The following GALC variants were observed in gnomAD, a reference collection of about 807,000 sequenced individuals.
The protein encoded by GALC is galactocerebrosidase.
A neutral mutation model predicts 91.8 loss-of-function variants in GALC; 77 were observed. The observed-to-expected ratio is 0.84, with a 90% CI of 0.70 to 1.01. The LOEUF is 1.01. Among genes scored for constraint, GALC ranks in the 50% least tolerant of loss-of-function variants. The pLI is 0.00. For missense variants in GALC, 882 were observed against 855.9 expected (o/e 1.03, Z -0.38); for synonymous variants, 357 against 306.7 (o/e 1.16, Z -1.71).
At chr14:87,977,300 A>G (rs894888189) in intron 6 of GALC, among the ~76,000 whole-genome samples, 1 of 152,216 alleles carries the variant, frequency 6.6e-6, no homozygotes, top group African/African-American at 2.4e-5. Context: ...GTAACAAGCT[A>G]AATTTTAACA....
intron 9 of GALC, among the ~76,000 whole-genome samples, chr14:87,963,799 C>T (rs181479389): frequency 6.6e-6 from 1 of 151,928 alleles, no homozygotes; most frequent in Non-Finnish European, 1.5e-5. Flanking sequence ...TTATTCCCCC[C>T]CCAAACTTGG....
At chr14:87,958,306 C>G (rs559435680) in intron 10 of GALC, among the ~76,000 whole-genome samples, 5 of 149,148 alleles carry the variant, frequency 3.4e-5, no homozygotes, top group South Asian at 4.2e-4. Flanking sequence ...TAGTTTAAAT[C>G]TGAAGTGAGT....
Position 87,953,898 on chromosome 14 carries a change from C to T in GALC, c.1162-3150G>A, listed in dbSNP as rs534175857. 2.0e-5 allele frequency: 32 copies of T among 1,610,114 alleles called. No homozygotes were observed. The South Asian group carries it at 3.1e-4, about 15-fold the overall frequency. ...CGGACCAAATTCTGGCTCTAAAGTG[C>T]CTTTAGCAACAGTTACAGTAATTGA... On this transcript the variant is annotated intron_variant, in intron 10 of 16. Transcript: ENST00000261304.
chr14:87,986,414 T>A, intron 4 of GALC, 75 bp downstream of exon 4: 1 of 916,278 alleles, frequency 1.1e-6, no homozygotes, highest in Non-Finnish European at 1.8e-6. Flanking sequence ...TTAATAGAGA[T>A]TCCACCAACA....
At chr14:87,992,086 G>A (rs1887223639) in intron 1 of GALC, among the ~76,000 whole-genome samples, 1 of 152,016 alleles carries the variant, frequency 6.6e-6, no homozygotes, top group Non-Finnish European at 1.5e-5. Flanking sequence ...ACTCCAGGGG[G>A]AAAAAAATTT....
rs72692074 is a variant in GALC, at chr14:87,973,887, G to A, written c.752+2471C>T. Among the ~76,000 whole-genome samples, 1,054 of 152,246 alleles carry A rather than the reference G, an allele frequency of 6.9e-3. 10 individuals are homozygous for A. Among genetic ancestry groups the A allele is most frequent in the Non-Finnish European group, 9.9e-3 (672 of 67,996 alleles). ...TATTTCCAGGCATTGCCAAATGTCC[G>A]TCTGGGAGGCAAAATTATTCTCAGT... On this transcript the variant is annotated intron_variant, in intron 7 of 16. Transcript: ENST00000261304.
Position 87,945,558 on chromosome 14 carries a change from G to A in GALC, c.1665C>T (p.Tyr555=). ...ATTGAGAACATCAATCTTACCAGTTGTAGTCTCCTATAATACTGATTGTGT... is the reference window on the plus strand; with the variant it reads ...ATTGAGAACATCAATCTTACCAGTTATAGTCTCCTATAATACTGATTGTGT... ...ASNTISIIGD[Y]NWTNLTIKCD... is the part of the protein sequence containing the mutation. Residue 555 remains tyrosine (Y), a synonymous_variant, in exon 14 of 17, where the codon TAC becomes TAT. Coordinates refer to ENST00000261304, the MANE Select transcript of GALC (RefSeq NM_000153.4). 1 of 1,592,860 alleles carries A rather than the reference G, an allele frequency of 6.3e-7. No individual in the cohort carries two copies. Among genetic ancestry groups the A allele is most frequent in the Non-Finnish European group, 8.6e-7 (1 of 1,160,956 alleles).
At chr14:87,944,626 T>C (rs1884991222) in intron 14 of GALC, among the ~76,000 whole-genome samples, 1 of 151,996 alleles carries the variant, frequency 6.6e-6, no homozygotes, top group African/African-American at 2.4e-5. Flanking sequence ...TTCATAGTGT[T>C]ATAAGGGTTC....
Position 87,955,233 on chromosome 14 carries a change from A to G in GALC, c.1162-4485T>C, listed in dbSNP as rs765409906. 7 of 942,802 alleles carry G rather than the reference A, an allele frequency of 7.4e-6. 1 individual carries two copies. The highest frequency in any genetic ancestry group is 1.2e-5 in the Non-Finnish European group (7 of 571,174). 58.4% of individuals were successfully genotyped at this position (942,802 alleles called of 1,614,324 possible). A position where few individuals can be genotyped will look rare whatever the true frequency, so the allele number is the denominator to read the frequency against. ...AGAGGAAGAAATGGCAGGCATTTCA[A>G]GGAAGAAGTACTGAAATGATTTGTC... On this transcript the variant is annotated intron_variant, in intron 10 of 16. Coordinates refer to ENST00000261304, the MANE Select transcript of GALC (RefSeq NM_000153.4).
intron 14 of GALC, among the ~76,000 whole-genome samples, chr14:87,943,611 A>G (rs930847073): frequency 6.6e-5 from 10 of 152,002 alleles, no homozygotes; most frequent in African/African-American, 2.4e-4. Flanking sequence ...CAAGTGAAAT[A>G]TTGGGTAAAT....
chr14:87,936,440 C>G lies in GALC; in HGVS notation c.1912-1562G>C, dbSNP rs367904057. 3.3e-5 allele frequency among the ~76,000 whole-genome samples: 5 copies of G among 151,614 alleles called. No homozygotes were observed. In the East Asian group the frequency reaches 7.8e-4, roughly 24 times the overall value. On this transcript the variant is annotated intron_variant, in intron 16 of 16. Transcript: ENST00000261304. Reference sequence around the variant, plus strand: ...CTATGGCTTTTTTTCTCATTATTGTCTATTGTCTATGGCTTTTTTACTCAT... The same window carrying G: ...CTATGGCTTTTTTTCTCATTATTGTGTATTGTCTATGGCTTTTTTACTCAT...
At chr14:87,960,180 A>G (rs149725244) in intron 10 of GALC, among the ~76,000 whole-genome samples, 3 of 151,956 alleles carry the variant, frequency 2.0e-5, no homozygotes, top group African/African-American at 7.2e-5. Flanking sequence ...ACGGGTACAA[A>G]GTAACTATTG....
intron 6 of GALC, among the ~76,000 whole-genome samples, chr14:87,978,641 T>C (rs1886610249): frequency 6.6e-6 from 1 of 152,172 alleles, no homozygotes; most frequent in Admixed American, 6.5e-5. Flanking sequence ...AAAGCTTAAA[T>C]AGAAGCTCTA....
intron 10 of GALC, among the ~76,000 whole-genome samples, chr14:87,958,557 A>G (rs1025729158): frequency 1.3e-5 from 2 of 152,206 alleles, no homozygotes; most frequent in Admixed American, 6.5e-5. Flanking sequence ...CAAAAAGAAC[A>G]AAGCTGAAGG....
chr14:87,987,997 A>G, intron 3 of GALC, 147 bp downstream of exon 3: 1 of 656,140 alleles, frequency 1.5e-6, no homozygotes, highest in East Asian at 2.7e-5. Context: ...AAATAATTAC[A>G]GTTAAAAAAT....
In GALC at chr14:87,947,841, T is replaced by C. The variant is rs755193670; in HGVS notation, c.1376A>G (p.His459Arg). The change falls in exon 13 of 17, where the codon CAT (histidine) becomes CGT (arginine). Residue 459 changes from histidine (H) to arginine (R), a missense_variant. Transcript: ENST00000261304. ...GGTGAGTGTGAACAGCTCATCTTCA[T>C]GCAGGCTCAGTGTGAAACTGCCATC... The part of the protein sequence containing the change: ...DSDGSFTLSL[H>R]EDELFTLTTL... 3 of 1,612,672 alleles carry C rather than the reference T, an allele frequency of 1.9e-6. No homozygotes were observed. The highest frequency in any genetic ancestry group is 1.7e-6 in the Non-Finnish European group (2 of 1,179,136).
At chr14:87,963,631 T>A (rs1156952992) in intron 9 of GALC, 120 bp from the exon 10 acceptor site, 1 of 839,656 alleles carries the variant, frequency 1.2e-6, no homozygotes, top group Non-Finnish European at 1.9e-6. Flanking sequence ...CTATTTTCTA[T>A]TTTGCAGGAA....
At chr14:87,979,667 A>C (rs145275590) in intron 6 of GALC, among the ~76,000 whole-genome samples, 13 of 152,350 alleles carry the variant, frequency 8.5e-5, no homozygotes, top group African/African-American at 2.9e-4. Context: ...TGTTTCCCTC[A>C]AATGAAATGA....
chr14:87,976,844 G>C (rs1310665975), intron 6 of GALC: 4 of 269,052 alleles, frequency 1.5e-5, no homozygotes, highest in Non-Finnish European at 2.9e-5. Context: ...TTGAACTCCT[G>C]ACCTCATGGA....
Sources: allele counts gnomAD v4.1 joint callset (sites outside exome capture counted in the v4.1 genomes callset), GRCh38; gene constraint gnomAD v4.1.1; transcripts MANE v1.5; gene names NCBI Gene and HGNC (gene_info 2026-07-23, HGNC 2026-07-21).